The following ZC3H6 variants were observed in gnomAD, a reference collection of about 807,000 sequenced individuals.
ZC3H6 encodes the protein zinc finger CCCH domain-containing protein 6.
A neutral mutation model predicts 107.7 loss-of-function variants in ZC3H6; 40 were observed. That is an observed-to-expected ratio of 0.37 (90% CI 0.29 to 0.48). ZC3H6 has a LOEUF of 0.48. Among genes scored for constraint, ZC3H6 ranks in the 20% least tolerant of loss-of-function variants. The probability of loss-of-function intolerance (pLI) is 0.98; values close to 1 mark genes in which losing one functional copy is unlikely to be tolerated. For synonymous variants in ZC3H6, 493 were observed against 487.9 expected (o/e 1.01, Z -0.14); for missense variants, 1,267 against 1,410.4 (o/e 0.90, Z 1.63).
intron 4 of ZC3H6, among the ~76,000 whole-genome samples, chr2:112,311,488 A>G (rs555230205): frequency 6.6e-6 from 1 of 152,290 alleles, no homozygotes; most frequent in Non-Finnish European, 1.5e-5. Context: ...ATAGGAATAT[A>G]ATATTTGATT....
chr2:112,281,603 C>G (rs890760420), intron 1 of ZC3H6, among the ~76,000 whole-genome samples: 2 of 152,106 alleles, frequency 1.3e-5, no homozygotes, highest in Non-Finnish European at 2.9e-5. Flanking sequence ...ATAGAATGAA[C>G]CAAAGCTATT....
At chr2:112,314,063 TTAATA>T (rs1248165492) in intron 5 of ZC3H6, among the ~76,000 whole-genome samples, 1 of 152,182 alleles carries the variant, frequency 6.6e-6, no homozygotes, top group Non-Finnish European at 1.5e-5. Context: ...CTGATATATA[TTAATA>T]TTTTATGCTC....
At chr2:112,311,444 A>G (rs534352359) in intron 4 of ZC3H6, among the ~76,000 whole-genome samples, 2 of 152,310 alleles carry the variant, frequency 1.3e-5, no homozygotes, top group East Asian at 1.9e-4. Context: ...ATTTGCTGCT[A>G]ATTAACCACT....
At chr2:112,278,313 T>G (rs7604747) in intron 1 of ZC3H6, among the ~76,000 whole-genome samples, 2,515 of 152,318 alleles carry the variant, frequency 0.017, 71 homozygotes, top group African/African-American at 0.057. Context: ...TCAAGGATTT[T>G]ATTTTATTTA....
chr2:112,316,624 C>G, intron 6 of ZC3H6, 38 bp downstream of exon 6: 3 of 1,290,692 alleles, frequency 2.3e-6, no homozygotes, highest in Non-Finnish European at 3.2e-6. Flanking sequence ...TTTTAACTTC[C>G]AAAATAATCT....
chr2:112,290,997 A>G (rs533149112), intron 1 of ZC3H6, among the ~76,000 whole-genome samples: 2 of 152,218 alleles, frequency 1.3e-5, no homozygotes, highest in South Asian at 4.1e-4. Flanking sequence ...TTACTCCCAG[A>G]AAAAAAAGTG....
At chr2:112,291,904 GAT>G (rs2069750759) in intron 1 of ZC3H6, among the ~76,000 whole-genome samples, 1 of 152,030 alleles carries the variant, frequency 6.6e-6, no homozygotes, top group Admixed American at 6.5e-5. Flanking sequence ...TTTTAGTAGA[GAT>G]AGGGGTTCAC....
At chr2:112,296,385 GTAT>G (rs1489315006) in intron 1 of ZC3H6, among the ~76,000 whole-genome samples, 3 of 151,804 alleles carry the variant, frequency 2.0e-5, no homozygotes, top group Admixed American at 1.3e-4. Flanking sequence ...TTTCTTTGTA[GTAT>G]TCTATGATAT....
chr2:112,310,122 G>A lies in ZC3H6; in HGVS notation c.574G>A (p.Glu192Lys), dbSNP rs745519913. The A allele has an allele frequency of 2.5e-6, 4 of 1,611,344 alleles. No individual in the cohort carries two copies. The highest frequency in any genetic ancestry group is 1.7e-5 in the Admixed American group (1 of 59,466). ...NIALGSSFSK[E>K]SGKKQRMKGV... The stretch of plus-strand genomic sequence containing the variant: ...TGCTTTAGGGTCATCATTTTCTAAA[G>A]AATCAGGAAAAAAACAGAGAATGAA... Residue 192 changes from glutamate to lysine, a missense_variant, in exon 4 of 12, where the codon GAA becomes AAA. By Grantham distance (56) the Glu-to-Lys change is moderately conservative. Around this residue, in one of 3 missense-constraint regions of ZC3H6, gnomAD observed 337 missense variants for 361.2 expected, o/e 0.93. Transcript: ENST00000409871.
At chr2:112,326,773 C>A (rs1236107311) in intron 11 of ZC3H6, among the ~76,000 whole-genome samples, 1 of 151,910 alleles carries the variant, frequency 6.6e-6, no homozygotes, top group Non-Finnish European at 1.5e-5. Context: ...CCACCATGCC[C>A]AGCTAATTTT....
At chr2:112,310,982 G>A (rs1236518056) in intron 4 of ZC3H6, among the ~76,000 whole-genome samples, 1 of 152,212 alleles carries the variant, frequency 6.6e-6, no homozygotes, top group Admixed American at 6.5e-5. Flanking sequence ...CTACACATAT[G>A]CTGTTGTACT....
In ZC3H6 at chr2:112,324,553, A is replaced by G. The variant is rs1198409542; in HGVS notation, c.1742A>G (p.Glu581Gly). The G allele has an allele frequency of 1.2e-6, 2 of 1,612,374 alleles. No homozygotes were observed. Among genetic ancestry groups the G allele is most frequent in the African/African-American group, 2.7e-5 (2 of 74,910 alleles). Residue 581 changes from glutamate (E) to glycine (G), a missense_variant, in exon 10 of 12, where the codon GAA (glutamate) becomes GGA (glycine). By Grantham distance (98) the Glu-to-Gly change is moderately conservative (BLOSUM62 -2). Around this residue, in one of 3 missense-constraint regions of ZC3H6, gnomAD observed 925 missense variants for 1,025.7 expected, o/e 0.90. Coordinates refer to ENST00000409871, the MANE Select transcript of ZC3H6 (RefSeq NM_198581.3). Reference sequence around the variant, plus strand: ...TCATCATACCAGCAAAGTCCTGGTGAAATGCAGCTCAACACCAATTATGAG... The same window carrying G: ...TCATCATACCAGCAAAGTCCTGGTGGAATGCAGCTCAACACCAATTATGAG... The part of the protein sequence containing the change: ...PGSSYQQSPG[E>G]MQLNTNYESL...
Position 112,311,927 on chromosome 2 carries a change from A to G in ZC3H6, c.737A>G (p.Asp246Gly), listed in dbSNP as rs751201619. 22 of 1,611,638 alleles carry G rather than the reference A, an allele frequency of 1.4e-5. No homozygotes were observed. Among genetic ancestry groups the G allele is most frequent in the Non-Finnish European group, 1.9e-5 (22 of 1,178,758 alleles). Residue 246 changes from aspartate (D) to glycine (G), a missense_variant, in exon 5 of 12, where the codon GAC becomes GGC. By Grantham distance (94) the Asp-to-Gly change is moderately conservative. Coordinates refer to ENST00000409871, the MANE Select transcript of ZC3H6 (RefSeq NM_198581.3). ...CCTAATGTGTTTTCAGTATCGGATG[A>G]CTTTCAAGAGGTACTAAGAATTTAT... ...KGPNVFSVSD[D>G]FQEYNKPGKK...
At chr2:112,302,831 C>G (rs1435092537) in intron 2 of ZC3H6, among the ~76,000 whole-genome samples, 3 of 151,530 alleles carry the variant, frequency 2.0e-5, no homozygotes, top group Admixed American at 1.3e-4. Context: ...ATAAGAACTC[C>G]AAAGCCATTT....
In ZC3H6 at chr2:112,325,039, C is replaced by A. The variant is rs920021886; in HGVS notation, c.1928C>A (p.Ser643Tyr). ...GACTCACCTAACCATGGGAGTGGGT[C>A]TGATGGCAGCAGCACTAGGACAGGC... ...VQDSPNHGSG[S>Y]DGSSTRTGHG... Residue 643 changes from serine (S) to tyrosine (Y), a missense_variant, in exon 11 of 12, where the codon TCT (serine) becomes TAT (tyrosine). Coordinates refer to ENST00000409871, the MANE Select transcript of ZC3H6 (RefSeq NM_198581.3). 2 of 1,613,692 alleles carry A rather than the reference C, an allele frequency of 1.2e-6. No homozygotes were observed. The highest frequency in any genetic ancestry group is 1.7e-6 in the Non-Finnish European group (2 of 1,179,766).
chr2:112,276,343 A>C (rs1289017686), intron 1 of ZC3H6, among the ~76,000 whole-genome samples: 2 of 151,260 alleles, frequency 1.3e-5, no homozygotes, highest in Non-Finnish European at 3.0e-5. Flanking sequence ...CTCGGTGCTG[A>C]GGTCCTGCTT....
chr2:112,325,018 C>T lies in ZC3H6; in HGVS notation c.1907C>T (p.Ser636Leu), dbSNP rs565271723. The change falls in exon 11 of 12, where the codon TCA (serine) becomes TTA (leucine). Residue 636 changes from serine to leucine, a missense_variant. Transcript: ENST00000409871. Reference protein sequence around the residue: ...AQQQPPVVQDSPNHGSGSDGS... With the variant: ...AQQQPPVVQDLPNHGSGSDGS... Reference sequence around the variant, plus strand: ...CAGCAGCCTCCTGTTGTTCAAGACTCACCTAACCATGGGAGTGGGTCTGAT... The same window carrying T: ...CAGCAGCCTCCTGTTGTTCAAGACTTACCTAACCATGGGAGTGGGTCTGAT... 9.9e-6 allele frequency: 16 copies of T among 1,613,020 alleles called. No individual in the cohort carries two copies. The Admixed American group carries it at 2.2e-4, about 22-fold the overall frequency.
chr2:112,275,957 A>G lies in ZC3H6; in HGVS notation c.-38A>G. ...CGCGCCCCGCCGCCGCCGGCCTCGC[A>G]GACCTGCCCTCCAGCCCCGCCCCGT... On this transcript the variant is annotated 5_prime_UTR_variant, in exon 1 of 12. Transcript: ENST00000409871. 6.6e-7 allele frequency: 1 copy of G among 1,515,388 alleles called. No individual in the cohort carries two copies. The highest frequency in any genetic ancestry group is 8.8e-7 in the Non-Finnish European group (1 of 1,131,300). The allele number at this position is 1,515,388 out of a possible 1,614,324, so 93.9% of individuals were successfully genotyped here.
At position 112,335,171 on chromosome 2, in the gene ZC3H6, G is replaced by C. The variant is rs1677118000; in HGVS notation, c.*2683G>C. 6.6e-6 allele frequency: 1 copy of C among 152,182 alleles called. No homozygotes were observed. Among genetic ancestry groups the C allele is most frequent in the African/African-American group, 2.4e-5 (1 of 41,440 alleles). The allele number at this position is 152,182 out of a possible 1,614,324, so 9.4% of individuals were successfully genotyped here. ...AACCTTGAACACAAATCAGATGTTG[G>C]AGTGATTTCAAACTCTATTTCAACA... On this transcript the variant is annotated 3_prime_UTR_variant, in exon 12 of 12. Transcript: ENST00000409871.
Sources: allele counts gnomAD v4.1 joint callset (sites outside exome capture counted in the v4.1 genomes callset), GRCh38; gene constraint gnomAD v4.1.1; regional missense constraint gnomAD v4.1.1; transcripts MANE v1.5; gene names NCBI Gene and HGNC (gene_info 2026-07-23, HGNC 2026-07-21).